Variants in CNTNAP5 observed in about 807,000 individuals in gnomAD.
The protein encoded by CNTNAP5 is contactin associated protein family member 5.
In CNTNAP5, 72 loss-of-function variants were observed where a neutral mutation model predicts 150.2. That is an observed-to-expected ratio of 0.48 (90% CI 0.40 to 0.58). The LOEUF (loss-of-function observed/expected upper bound fraction) is 0.58, where lower values mean the gene tolerates loss of function less well. CNTNAP5 is among the 20% of genes least tolerant of loss of function. CNTNAP5 has a pLI of 0.00. For missense variants in CNTNAP5, 1,636 were observed against 1,626.2 expected, an observed-to-expected ratio of 1.01 and a Z score of -0.10; for synonymous variants, 672 against 619.8, an observed-to-expected ratio of 1.08 and a Z score of -1.25.
At chr2:124,895,147 CT>C (rs1023829646) in intron 21 of CNTNAP5, among the ~76,000 whole-genome samples, 2 of 151,276 alleles carry the variant, frequency 1.3e-5, no homozygotes, top group African/African-American at 4.9e-5. Flanking sequence ...ATTTTTTTTA[CT>C]TCTTGTATCA....
chr2:124,338,272 A>T (rs1413822627), intron 3 of CNTNAP5, among the ~76,000 whole-genome samples: 1 of 152,174 alleles, frequency 6.6e-6, no homozygotes, highest in African/African-American at 2.4e-5. Flanking sequence ...TTGGGCTGAG[A>T]CGATGGCATT....
At chr2:124,692,253 T>A (rs1679314609) in intron 13 of CNTNAP5, among the ~76,000 whole-genome samples, 1 of 152,046 alleles carries the variant, frequency 6.6e-6, no homozygotes, top group South Asian at 2.1e-4. Context: ...CAACCAGAGG[T>A]CAGCAAACAA....
At chr2:124,282,727 A>G (rs1359595714) in intron 3 of CNTNAP5, among the ~76,000 whole-genome samples, 3 of 152,170 alleles carry the variant, frequency 2.0e-5, no homozygotes, top group Admixed American at 6.5e-5. Context: ...TGAGCCTTCA[A>G]AAATGGTTTT....
intron 11 of CNTNAP5, among the ~76,000 whole-genome samples, chr2:124,571,405 A>G (rs1344665215): frequency 6.6e-6 from 1 of 152,046 alleles, no homozygotes; most frequent in Non-Finnish European, 1.5e-5. Flanking sequence ...TAGCCAAAAC[A>G]TATAAATAAA....
chr2:124,670,125 C>CTTCCTTCT (rs1166518119), intron 13 of CNTNAP5, among the ~76,000 whole-genome samples: 1 of 135,604 alleles, frequency 7.4e-6, no homozygotes, highest in African/African-American at 2.7e-5. Context: ...TTTCCTTTTC[C>CTTCCTTCT]TTCCTTCTTT....
chr2:124,706,326 T>C (rs1255245658), intron 13 of CNTNAP5, among the ~76,000 whole-genome samples: 1 of 152,226 alleles, frequency 6.6e-6, no homozygotes, highest in South Asian at 2.1e-4. Context: ...TGATGCAAAA[T>C]ATTAATTCAG....
At chr2:124,463,859 G>A (rs1693313336) in intron 6 of CNTNAP5, among the ~76,000 whole-genome samples, 1 of 152,108 alleles carries the variant, frequency 6.6e-6, no homozygotes, top group African/African-American at 2.4e-5. Flanking sequence ...GCTCTAGATT[G>A]AAGGATGTGG....
chr2:124,497,060 C>T (rs563128269), intron 7 of CNTNAP5, among the ~76,000 whole-genome samples: 1 of 152,150 alleles, frequency 6.6e-6, no homozygotes, highest in South Asian at 2.1e-4. Flanking sequence ...GTGGTGACAG[C>T]CTGGTTGAGA....
intron 19 of CNTNAP5, among the ~76,000 whole-genome samples, chr2:124,819,191 G>T (rs1490019125): frequency 1.3e-5 from 2 of 152,202 alleles, no homozygotes; most frequent in Non-Finnish European, 2.9e-5. Context: ...TTTGTTTGTT[G>T]CCTGTCATCC....
chr2:124,102,998 C>T (rs1374040949), intron 1 of CNTNAP5, among the ~76,000 whole-genome samples: 1 of 152,066 alleles, frequency 6.6e-6, no homozygotes, highest in Non-Finnish European at 1.5e-5. Context: ...AACATTACAG[C>T]GAATGGACCA....
In CNTNAP5 at chr2:124,892,555, G is replaced by A. The variant is rs150591017; in HGVS notation, c.3437-10327G>A. 3.9e-5 allele frequency among the ~76,000 whole-genome samples: 6 copies of A among 152,258 alleles called. No individual in the cohort carries two copies. In the East Asian group the frequency reaches 9.7e-4, roughly 25 times the overall value. On this transcript the variant is annotated intron_variant, in intron 21 of 23. Coordinates refer to ENST00000682447, the MANE Select transcript of CNTNAP5 (RefSeq NM_001367498.1). ...CTCTAGATAAAGAATTCTGTAGGAGGCAGAGAAGGGACCGTTCTCTTTAAA... is the reference window on the plus strand; with the variant it reads ...CTCTAGATAAAGAATTCTGTAGGAGACAGAGAAGGGACCGTTCTCTTTAAA...
chr2:124,738,369 G>C (rs781057958), intron 13 of CNTNAP5, among the ~76,000 whole-genome samples: 4 of 152,152 alleles, frequency 2.6e-5, no homozygotes, highest in Admixed American at 6.5e-5. Context: ...AGATTTATAA[G>C]AGTGTCTCAA....
intron 13 of CNTNAP5, among the ~76,000 whole-genome samples, chr2:124,702,298 A>C (rs1224568276): frequency 1.4e-5 from 2 of 145,766 alleles, no homozygotes; most frequent in Non-Finnish European, 3.0e-5. Flanking sequence ...TGTTCTGCAA[A>C]TCATTTAAAA....
At chr2:124,887,622 A>T (rs1270373790) in intron 21 of CNTNAP5, among the ~76,000 whole-genome samples, 1 of 152,282 alleles carries the variant, frequency 6.6e-6, no homozygotes, top group East Asian at 1.9e-4. Context: ...TAGGTGCCAT[A>T]TGGAGGCAAT....
intron 1 of CNTNAP5, among the ~76,000 whole-genome samples, chr2:124,139,942 C>T (rs1234106098): frequency 1.3e-5 from 2 of 152,040 alleles, no homozygotes; most frequent in African/African-American, 2.4e-5. Context: ...GCACCGTGCA[C>T]GAGCCGAAGC....
At chr2:124,585,739 C>T (rs989216807) in intron 11 of CNTNAP5, among the ~76,000 whole-genome samples, 1 of 136,460 alleles carries the variant, frequency 7.3e-6, no homozygotes, top group Non-Finnish European at 1.5e-5. Flanking sequence ...GGTTTCTGAG[C>T]CCCAACCTTA....
intron 1 of CNTNAP5, among the ~76,000 whole-genome samples, chr2:124,183,842 T>C (rs1181765097): frequency 6.6e-6 from 1 of 152,152 alleles, no homozygotes; most frequent in Non-Finnish European, 1.5e-5. Flanking sequence ...GGGAGGAAGA[T>C]AAGTAGGTAA....
At chr2:124,869,639 T>G in intron 20 of CNTNAP5, 36 bp from the exon 21 acceptor site, 1 of 1,407,798 alleles carries the variant, frequency 7.1e-7, no homozygotes, top group Non-Finnish European at 1.0e-6. Flanking sequence ...CCTGCAGACC[T>G]CTGCTGATGT....
intron 1 of CNTNAP5, among the ~76,000 whole-genome samples, chr2:124,096,281 C>A (rs1160403922): frequency 6.6e-6 from 1 of 152,032 alleles, no homozygotes. Flanking sequence ...TATTTTATAT[C>A]TATTTTTCAA....
Sources: gnomAD v4.1 joint callset for allele counts (sites outside exome capture counted in the v4.1 genomes callset) on GRCh38, gnomAD v4.1.1 for gene constraint, MANE v1.5 for transcripts, NCBI Gene and HGNC (gene_info 2026-07-23, HGNC 2026-07-21) for gene names.